Variants in GSE1 observed in about 807,000 individuals in gnomAD.
GSE1 encodes genetic suppressor element 1.
A neutral mutation model predicts 112.6 loss-of-function variants in GSE1; 32 were observed. The ratio of observed to expected loss-of-function variants is 0.28; its 90% CI spans 0.21 to 0.38. The LOEUF (loss-of-function observed/expected upper bound fraction) is 0.38, where lower values mean the gene tolerates loss of function less well. GSE1 is among the 10% of genes least tolerant of loss of function. The pLI, the probability that GSE1 is intolerant of heterozygous loss-of-function variation, is 1.00. For missense variants in GSE1, 2,348 were observed against 1,699.2 expected (o/e 1.38, Z -6.71); for synonymous variants, 1,115 against 735.6 (o/e 1.52, Z -8.35).
chr16:85,176,747 TTGC>T (rs1388780806), intron 1 of GSE1, among the ~76,000 whole-genome samples: 1 of 152,208 alleles, frequency 6.6e-6, no homozygotes, highest in Non-Finnish European at 1.5e-5. Flanking sequence ...AGAACAGGTG[TTGC>T]TGCCGCAACC....
At chr16:85,171,390 C>T (rs1376459642) in exon 1 of GSE1, 4 of 985,532 alleles carry the variant, frequency 4.1e-6, no homozygotes, top group Admixed American at 6.1e-5. Context: ...AGGAGCCCTT[C>T]TTCCCCTTCC....
chr16:85,187,946 C>T (rs1045537929), intron 1 of GSE1, among the ~76,000 whole-genome samples: 9 of 152,216 alleles, frequency 5.9e-5, no homozygotes, highest in African/African-American at 2.2e-4. Flanking sequence ...ATAACCCTTC[C>T]CTTCCCCCAC....
At chr16:85,364,251 C>T (rs910573492) in intron 2 of GSE1, among the ~76,000 whole-genome samples, 19 of 152,330 alleles carry the variant, frequency 1.2e-4, no homozygotes, top group African/African-American at 4.1e-4. Flanking sequence ...TCAGACCCTG[C>T]TTCCGGGTGG....
intron 1 of GSE1, among the ~76,000 whole-genome samples, chr16:85,237,691 A>C (rs930992197): frequency 6.6e-6 from 1 of 151,754 alleles, no homozygotes; most frequent in Admixed American, 6.6e-5. Context: ...ACAAAAAATT[A>C]GCCAGGGGTG....
chr16:85,215,743 A>G (rs1477132415), intron 1 of GSE1, among the ~76,000 whole-genome samples: 3 of 152,060 alleles, frequency 2.0e-5, no homozygotes, highest in African/African-American at 7.2e-5. Context: ...CTGCTTTCAG[A>G]GCACACATTC....
intron 2 of GSE1, among the ~76,000 whole-genome samples, chr16:85,423,117 C>T (rs1017296883): frequency 5.9e-5 from 9 of 152,230 alleles, no homozygotes; most frequent in Non-Finnish European, 1.2e-4. Flanking sequence ...TCCCCAGGAA[C>T]CAGATCCTCA....
At chr16:85,259,833 A>C (rs1035341574) in intron 1 of GSE1, among the ~76,000 whole-genome samples, 1 of 152,200 alleles carries the variant, frequency 6.6e-6, no homozygotes, top group Non-Finnish European at 1.5e-5. Context: ...CTGAGGGCTC[A>C]GGGAGTCCAT....
At chr16:85,271,402 G>A (rs1214480201) in intron 1 of GSE1, among the ~76,000 whole-genome samples, 1 of 152,214 alleles carries the variant, frequency 6.6e-6, no homozygotes, top group Non-Finnish European at 1.5e-5. Flanking sequence ...TCTGTGGGAT[G>A]CAGATATATA....
chr16:85,498,277 A>G (rs1396969123), intron 2 of GSE1, among the ~76,000 whole-genome samples: 3 of 152,140 alleles, frequency 2.0e-5, no homozygotes, highest in Non-Finnish European at 4.4e-5. Context: ...CCACCAACAC[A>G]CATGCATAGA....
At chr16:85,361,389 A>T (rs1597485974) in intron 2 of GSE1, among the ~76,000 whole-genome samples, 2 of 147,976 alleles carry the variant, frequency 1.4e-5, no homozygotes, top group African/African-American at 5.0e-5. Context: ...CCCCCCACAC[A>T]CAAACACACA....
At position 85,674,908 on chromosome 16, in the gene GSE1, C is replaced by G. The variant is rs2053598324; in HGVS notation, c.*2369C>G. ...ACCTACTTGTGGCGATCTGAGTACTCTACTCTTGCTCAAGAAGTAATACGA... is the reference window on the plus strand; with the variant it reads ...ACCTACTTGTGGCGATCTGAGTACTGTACTCTTGCTCAAGAAGTAATACGA... On this transcript the variant is annotated 3_prime_UTR_variant, in exon 16 of 16. Coordinates refer to ENST00000253458, the MANE Select transcript of GSE1 (RefSeq NM_014615.5). 1 of 152,652 alleles carries G rather than the reference C, an allele frequency of 6.6e-6. No individual in the cohort carries two copies. Among genetic ancestry groups the G allele is most frequent in the Non-Finnish European group, 1.5e-5 (1 of 68,050 alleles). 9.5% of individuals were successfully genotyped at this position (152,652 alleles called of 1,614,324 possible). A position where few individuals can be genotyped will look rare whatever the true frequency, so the allele number is the denominator to read the frequency against.
intron 1 of GSE1, among the ~76,000 whole-genome samples, chr16:85,193,248 T>G (rs2074861389): frequency 6.6e-6 from 1 of 152,218 alleles, no homozygotes. Flanking sequence ...ACTCGTGACG[T>G]GGATAGGCAT....
intron 2 of GSE1, among the ~76,000 whole-genome samples, chr16:85,510,813 C>CATGGCTCCGGCCTT (rs1241862619): frequency 1.3e-5 from 2 of 152,266 alleles, no homozygotes; most frequent in East Asian, 3.9e-4. Context: ...TCACAGGCCT[C>CATGGCTCCGGCCTT]ATGGCTCCAG....
chr16:85,310,654 CAGGGAGGG>C lies in GSE1; in HGVS notation c.2284-46798_2284-46791del, dbSNP rs957331021. Reference sequence around the variant, plus strand: ...TCCTCTCTCAGCCATCCCAGGCTGGCAGGGAGGGAGGGAGGGAGCAGGAGGGCCCGCTG... The same window carrying C: ...TCCTCTCTCAGCCATCCCAGGCTGGCAGGGAGGGAGCAGGAGGGCCCGCTG... On this transcript the variant is annotated intron_variant, in intron 1 of 2. Coordinates refer to the GSE1 transcript ENST00000637419. Among the ~76,000 whole-genome samples the C allele has an allele frequency of 5.3e-5, 8 of 152,182 alleles. No homozygotes were observed. The South Asian group carries it at 6.2e-4, about 12-fold the overall frequency.
intron 2 of GSE1, among the ~76,000 whole-genome samples, chr16:85,477,348 C>T (rs2050490316): frequency 6.6e-6 from 1 of 152,118 alleles, no homozygotes; most frequent in Non-Finnish European, 1.5e-5. Flanking sequence ...TAATGTACAT[C>T]CTGAGTCTTT....
intron 1 of GSE1, among the ~76,000 whole-genome samples, chr16:85,174,729 A>T (rs1452574567): frequency 6.6e-6 from 1 of 151,982 alleles, no homozygotes; most frequent in East Asian, 1.9e-4. Context: ...TAAACTTAGG[A>T]CCCAGTGCCA....
chr16:85,195,662 G>C (rs1454478205), intron 1 of GSE1, among the ~76,000 whole-genome samples: 1 of 152,152 alleles, frequency 6.6e-6, no homozygotes, highest in Admixed American at 6.5e-5. Flanking sequence ...CACCATTGAG[G>C]ATGACCACTG....
chr16:85,639,604 C>T (rs2050276684), intron 2 of GSE1, among the ~76,000 whole-genome samples: 1 of 152,236 alleles, frequency 6.6e-6, no homozygotes, highest in Non-Finnish European at 1.5e-5. Flanking sequence ...CGAGGGTGCC[C>T]CGGGAACGCC....
intron 1 of GSE1, among the ~76,000 whole-genome samples, chr16:85,256,969 C>T (rs1464343515): frequency 2.6e-5 from 4 of 152,070 alleles, no homozygotes; most frequent in African/African-American, 9.7e-5. Context: ...CTTTCTGTCA[C>T]GATACTTTGT....
Sources: allele counts gnomAD v4.1 joint callset (sites outside exome capture counted in the v4.1 genomes callset), GRCh38; gene constraint gnomAD v4.1.1; transcripts MANE v1.5; gene names NCBI Gene and HGNC (gene_info 2026-07-23, HGNC 2026-07-21).